CYP19A1: variants seen among roughly 807,000 people sequenced by gnomAD.
CYP19A1 encodes the protein cytochrome P450 family 19 subfamily A member 1, also known as aromatase.
In CYP19A1, 32 loss-of-function variants were observed where a neutral mutation model predicts 44.4. That is an observed-to-expected ratio of 0.72 (90% confidence interval 0.54 to 0.97). The LOEUF (loss-of-function observed/expected upper bound fraction) is 0.97, where lower values mean the gene tolerates loss of function less well. Ranked by LOEUF, CYP19A1 falls within the 50% of genes least tolerant of loss-of-function variation. The pLI, the probability that CYP19A1 is intolerant of heterozygous loss-of-function variation, is 0.00. For missense variants in CYP19A1, 598 were observed against 637.8 expected, an observed-to-expected ratio of 0.94 and a Z score of 0.67; for synonymous variants, 212 against 215.6, an observed-to-expected ratio of 0.98 and a Z score of 0.14.
chr15:51,291,554 A>G (rs2035846460), intron 1 of CYP19A1, among the ~76,000 whole-genome samples: 1 of 152,218 alleles, frequency 6.6e-6, no homozygotes, highest in African/African-American at 2.4e-5. Context: ...TAGGATTCCA[A>G]CCTAGGTGTA....
intron 1 of CYP19A1, among the ~76,000 whole-genome samples, chr15:51,278,402 T>C (rs1471472816): frequency 2.0e-5 from 3 of 152,206 alleles, no homozygotes; most frequent in African/African-American, 7.2e-5. Context: ...AGTTACATAG[T>C]TGCTGGGCTC....
chr15:51,270,873 C>G lies in CYP19A1; in HGVS notation c.-38-27923G>C, dbSNP rs114762361. ...TTAGACCGACTGTCTTGTGTTCATT[C>G]AGCACGTGGCCCTGTGGGTCTTGAG... On this transcript the variant is annotated intron_variant, in intron 1 of 9. Transcript: ENST00000396402. Among the ~76,000 whole-genome samples, 644 of 152,258 alleles carry G rather than the reference C, an allele frequency of 4.2e-3. 4 individuals are homozygous for G. The highest frequency in any genetic ancestry group is 0.014 in the African/African-American group (582 of 41,548).
chr15:51,234,654 CA>C (rs1395502853), intron 3 of CYP19A1, among the ~76,000 whole-genome samples: 1 of 152,114 alleles, frequency 6.6e-6, no homozygotes, highest in African/African-American at 2.4e-5. Flanking sequence ...AAGACAAAAC[CA>C]GTCCTGCATC....
chr15:51,252,468 T>C (rs1245697300), intron 1 of CYP19A1, among the ~76,000 whole-genome samples: 1 of 152,224 alleles, frequency 6.6e-6, no homozygotes, highest in Non-Finnish European at 1.5e-5. Context: ...ATACAATTTC[T>C]CTTGAAGATT....
chr15:51,267,719 T>A (rs920948239), intron 1 of CYP19A1, among the ~76,000 whole-genome samples: 4 of 152,190 alleles, frequency 2.6e-5, no homozygotes, highest in Admixed American at 6.5e-5. Flanking sequence ...GAAAAATGAT[T>A]AAGAATTTCA....
chr15:51,327,657 C>T (rs981619096), intron 1 of CYP19A1, among the ~76,000 whole-genome samples: 2 of 152,136 alleles, frequency 1.3e-5, no homozygotes, highest in Admixed American at 1.3e-4. Flanking sequence ...GCCCAACAGA[C>T]AGATGCGTGT....
At chr15:51,240,487 C>T (rs2033689798) in intron 2 of CYP19A1, among the ~76,000 whole-genome samples, 1 of 152,156 alleles carries the variant, frequency 6.6e-6, no homozygotes, top group African/African-American at 2.4e-5. Context: ...CCTGAGCTTT[C>T]CTGACTCTGT....
At chr15:51,256,511 C>T (rs1162261322) in intron 1 of CYP19A1, among the ~76,000 whole-genome samples, 1 of 152,136 alleles carries the variant, frequency 6.6e-6, no homozygotes, top group Non-Finnish European at 1.5e-5. Context: ...GGGTCCTGCA[C>T]AAGTCATTCT....
At chr15:51,282,317 T>G (rs2035547463) in intron 1 of CYP19A1, among the ~76,000 whole-genome samples, 1 of 152,218 alleles carries the variant, frequency 6.6e-6, no homozygotes, top group Non-Finnish European at 1.5e-5. Flanking sequence ...CAGGGCTCAG[T>G]GCATAAAACC....
At chr15:51,336,730 C>G (rs78143870) in intron 1 of CYP19A1, among the ~76,000 whole-genome samples, 5,342 of 152,268 alleles carry the variant, frequency 0.035, 294 homozygotes, top group African/African-American at 0.12. Flanking sequence ...AAGGACCATT[C>G]TATTTAACTT....
intron 1 of CYP19A1, among the ~76,000 whole-genome samples, chr15:51,336,653 T>A (rs2036780336): frequency 6.6e-6 from 1 of 152,184 alleles, no homozygotes; most frequent in Non-Finnish European, 1.5e-5. Flanking sequence ...GAACTAAAGT[T>A]GGGGTATATT....
chr15:51,332,404 C>T (rs1383475795), intron 1 of CYP19A1, among the ~76,000 whole-genome samples: 2 of 152,216 alleles, frequency 1.3e-5, no homozygotes, highest in African/African-American at 4.8e-5. Flanking sequence ...CCCTCTTTCT[C>T]CTTTAGAACT....
intron 1 of CYP19A1, among the ~76,000 whole-genome samples, chr15:51,332,187 C>A (rs2036712775): frequency 6.6e-6 from 1 of 152,116 alleles, no homozygotes; most frequent in Admixed American, 6.6e-5. Context: ...GAGCTCTAGT[C>A]TAGTTTTTCA....
In CYP19A1 at chr15:51,338,488, T is replaced by C. The variant is rs982580855; in HGVS notation, c.-39+7A>G. The C allele has an allele frequency of 6.6e-6, 1 of 151,926 alleles. No homozygotes were observed. Among genetic ancestry groups the C allele is most frequent in the African/African-American group, 2.4e-5 (1 of 41,324 alleles). 9.4% of individuals were successfully genotyped at this position (151,926 alleles called of 1,614,324 possible). On this transcript the variant is annotated splice_region_variant and intron_variant, in intron 1 of 9. Transcript: ENST00000396402. ...TTGAGGGCTCAGTCAGATTAAGAGA[T>C]ACATACGCGACGTCTGGAAGATCCC...
rs2141028555 is a variant in CYP19A1 at position 51,210,588 on chromosome 15, C to T, written c.*220G>A. 1.5e-6 allele frequency: 1 copy of T among 683,046 alleles called. No individual in the cohort carries two copies. Among genetic ancestry groups the T allele is most frequent in the Non-Finnish European group, 2.7e-6 (1 of 369,888 alleles). The allele number at this position is 683,046 out of a possible 1,614,324, so 42.3% of individuals were successfully genotyped here. ...TCACCGACTATTTCTCCCTCAAACTCTTGGCCTCTGCTTTTTCTCTTGTAG... is the reference window on the plus strand; with the variant it reads ...TCACCGACTATTTCTCCCTCAAACTTTTGGCCTCTGCTTTTTCTCTTGTAG... On this transcript the variant is annotated 3_prime_UTR_variant, in exon 10 of 10. Coordinates refer to ENST00000396402, the MANE Select transcript of CYP19A1 (RefSeq NM_000103.4).
intron 1 of CYP19A1, among the ~76,000 whole-genome samples, chr15:51,261,246 C>G (rs2034709012): frequency 6.6e-6 from 1 of 152,284 alleles, no homozygotes; most frequent in Admixed American, 6.5e-5. Context: ...TCCTTGGAAT[C>G]TGTGAGGCCA....
intron 2 of CYP19A1, among the ~76,000 whole-genome samples, chr15:51,241,922 T>C (rs964613283): frequency 6.6e-6 from 1 of 152,044 alleles, no homozygotes; most frequent in Non-Finnish European, 1.5e-5. Flanking sequence ...AGTGTGTAAC[T>C]ATGCTCTTAA....
chr15:51,265,026 T>C (rs767034171), intron 1 of CYP19A1, among the ~76,000 whole-genome samples: 1 of 152,214 alleles, frequency 6.6e-6, no homozygotes, highest in South Asian at 2.1e-4. Context: ...TTTGAGCCAA[T>C]TACACTTTCT....
rs1434314821 is a variant in CYP19A1, at chr15:51,236,971, G to T, written c.184C>A (p.His62Asn). ...ATCCCCATCCACAGGAATCTGCCGT[G>T]GGAGATGAGGGGTCCAATTCCCATG... The part of the protein sequence containing the change: ...YCMGIGPLIS[H>N]GRFLWMGIGS... Residue 62 changes from histidine to asparagine, a missense_variant, in exon 3 of 10, where the codon CAC (histidine) becomes AAC (asparagine). Physicochemically the swap from His to Asn is moderately conservative, Grantham distance 68. Transcript: ENST00000396402. 6.2e-7 allele frequency: 1 copy of T among 1,614,030 alleles called. No individual in the cohort carries two copies. Among genetic ancestry groups the T allele is most frequent in the African/African-American group, 1.3e-5 (1 of 74,904 alleles).
Sources: allele counts gnomAD v4.1 joint callset (sites outside exome capture counted in the v4.1 genomes callset), GRCh38; gene constraint gnomAD v4.1.1; transcripts MANE v1.5; gene names NCBI Gene and HGNC (gene_info 2026-07-23, HGNC 2026-07-21).